Variants in PCDH15 observed in about 807,000 individuals in gnomAD.
The protein encoded by PCDH15 is protocadherin related 15.
A neutral mutation model predicts 178.5 loss-of-function variants in PCDH15; 129 were observed. The ratio of observed to expected loss-of-function variants is 0.72; its 90% CI spans 0.63 to 0.84. The LOEUF is 0.84. Ranked by LOEUF, PCDH15 falls within the 40% of genes least tolerant of loss-of-function variation. The pLI, the probability that PCDH15 is intolerant of heterozygous loss-of-function variation, is 0.00. For synonymous variants in PCDH15, 800 were observed against 732.0 expected (o/e 1.09, Z -1.50); for missense variants, 2,230 against 2,099.9 (o/e 1.06, Z -1.21).
At chr10:54,929,471 G>A (rs1048725227) in intron 2 of PCDH15, among the ~76,000 whole-genome samples, 1 of 152,092 alleles carries the variant, frequency 6.6e-6, no homozygotes, top group South Asian at 2.1e-4. Context: ...AGAGATTTTG[G>A]TATAGACATT....
At chr10:55,332,783 T>C (rs898437627) in intron 2 of PCDH15, among the ~76,000 whole-genome samples, 21 of 152,320 alleles carry the variant, frequency 1.4e-4, no homozygotes, top group Admixed American at 2.6e-4. Context: ...TCATTCTCTT[T>C]TGCCTGCCAC....
chr10:54,911,536 C>A (rs934790055), intron 2 of PCDH15, among the ~76,000 whole-genome samples: 6 of 152,144 alleles, frequency 3.9e-5, no homozygotes, highest in Non-Finnish European at 7.4e-5. Flanking sequence ...AACACACACT[C>A]AACTTTACTC....
intron 3 of PCDH15, among the ~76,000 whole-genome samples, chr10:54,436,055 G>A (rs9415331): frequency 1.7e-4 from 23 of 135,994 alleles, no homozygotes; most frequent in Non-Finnish European, 3.2e-4. Context: ...AGAGAGAAAA[G>A]AAAGAAAGAA....
intron 10 of PCDH15, among the ~76,000 whole-genome samples, chr10:54,212,477 T>G (rs2051552731): frequency 6.6e-6 from 1 of 152,124 alleles, no homozygotes; most frequent in South Asian, 2.1e-4. Context: ...CTGTGCCTCC[T>G]TATGTTCAAA....
intron 2 of PCDH15, among the ~76,000 whole-genome samples, chr10:55,500,350 A>C: frequency 6.6e-6 from 1 of 151,766 alleles, no homozygotes; most frequent in Non-Finnish European, 1.5e-5. Context: ...ATATTATCTT[A>C]TTTTTTAGAT....
intron 16 of PCDH15, among the ~76,000 whole-genome samples, chr10:54,086,068 T>A (rs1590328370): frequency 6.6e-6 from 1 of 152,178 alleles, no homozygotes; most frequent in Non-Finnish European, 1.5e-5. Flanking sequence ...TGTGTTGCTA[T>A]AAAGGAATAC....
chr10:54,337,173 T>C (rs1941349852), intron 6 of PCDH15, among the ~76,000 whole-genome samples: 1 of 152,116 alleles, frequency 6.6e-6, no homozygotes. Context: ...GTAACTAACT[T>C]ACTTTTGATT....
intron 2 of PCDH15, among the ~76,000 whole-genome samples, chr10:54,996,097 T>C (rs1292767960): frequency 6.6e-6 from 1 of 152,144 alleles, no homozygotes; most frequent in East Asian, 1.9e-4. Context: ...GATTTTGGTT[T>C]CCTGGCCAGG....
intron 2 of PCDH15, among the ~76,000 whole-genome samples, chr10:55,544,139 C>CATACATATATATATATATATAT (rs1200067998): frequency 1.8e-5 from 1 of 54,346 alleles, no homozygotes; most frequent in Non-Finnish European, 3.5e-5. Context: ...CTTATACATA[C>CATACATATATATATATATATAT]ATATATATAT....
chr10:54,868,998 T>C (rs1953988010), intron 3 of PCDH15: 1 of 152,098 alleles, frequency 6.6e-6, no homozygotes. Context: ...AAACATTAAA[T>C]TGAAGCTAAG....
chr10:54,363,350 A>T (rs1565085471), intron 5 of PCDH15, among the ~76,000 whole-genome samples: 1 of 152,062 alleles, frequency 6.6e-6, no homozygotes, highest in African/African-American at 2.4e-5. Flanking sequence ...TTTTCTTTCT[A>T]TTTTAAAATT....
At chr10:55,472,929 TATCTTGAAAAATAC>T in intron 2 of PCDH15, among the ~76,000 whole-genome samples, 1 of 152,318 alleles carries the variant, frequency 6.6e-6, no homozygotes, top group African/African-American at 2.4e-5. Flanking sequence ...TGGATAAAAT[TATCTTGAAAAATAC>T]TCAATGTCAG....
chr10:55,350,815 T>C (rs924303572), intron 2 of PCDH15, among the ~76,000 whole-genome samples: 9 of 152,132 alleles, frequency 5.9e-5, no homozygotes, highest in South Asian at 2.1e-4. Flanking sequence ...TTTTACACAG[T>C]ATTTAGTAAC....
intron 2 of PCDH15, among the ~76,000 whole-genome samples, chr10:54,593,053 G>T (rs747129890): frequency 6.6e-6 from 1 of 151,884 alleles, no homozygotes; most frequent in Non-Finnish European, 1.5e-5. Flanking sequence ...ATTGAGTTTT[G>T]TGAACTCCTT....
At chr10:54,381,499 T>C (rs1949235934) in intron 3 of PCDH15, among the ~76,000 whole-genome samples, 1 of 152,166 alleles carries the variant, frequency 6.6e-6, no homozygotes, top group Non-Finnish European at 1.5e-5. Context: ...TTGCTTAATG[T>C]GTTTCATTTG....
At chr10:54,753,894 G>GTTTTTTTTTTTTTTTTTTTTGTTTTTGT (rs755751275) in intron 1 of PCDH15, among the ~76,000 whole-genome samples, 1 of 85,510 alleles carries the variant, frequency 1.2e-5, no homozygotes, top group Non-Finnish European at 2.4e-5. Flanking sequence ...GTTTGTTTGT[G>GTTTTTTTTTTTTTTTTTTTTGTTTTTGT]TTTTTTTTTT....
rs1843400952 is a variant in PCDH15, at chr10:55,613,018, T to A, written c.-156+14607A>T. On this transcript the variant is annotated intron_variant, in intron 2 of 5. Transcript: ENST00000613346. ...CTCCAATACATATTTACTAGCCAGA[T>A]TTTTTTTTTTTTTTTTTTTTTTTGA... 8.0e-4 allele frequency among the ~76,000 whole-genome samples: 6 copies of A among 7,506 alleles called. No individual in the cohort carries two copies. The South Asian group carries it at 0.022, about 28-fold the overall frequency. The allele number at this position is 7,506 out of a possible 152,430, so 4.9% of individuals were successfully genotyped here.
chr10:55,613,935 C>A (rs1843421994), intron 2 of PCDH15, among the ~76,000 whole-genome samples: 1 of 151,836 alleles, frequency 6.6e-6, no homozygotes, highest in Non-Finnish European at 1.5e-5. Context: ...GGTGAAAACC[C>A]GTCTCTACTA....
chr10:55,018,437 T>C (rs1055724925), intron 2 of PCDH15, among the ~76,000 whole-genome samples: 9 of 152,126 alleles, frequency 5.9e-5, no homozygotes, highest in Non-Finnish European at 1.2e-4. Context: ...AGACATTTTG[T>C]AATTAATTGT....
Sources: gnomAD v4.1 joint callset for allele counts (sites outside exome capture counted in the v4.1 genomes callset) on GRCh38, gnomAD v4.1.1 for gene constraint, MANE v1.5 for transcripts, NCBI Gene and HGNC (gene_info 2026-07-23, HGNC 2026-07-21) for gene names.